Variants in DVL3 observed in about 807,000 individuals in gnomAD.
DVL3 encodes segment polarity protein dishevelled homolog DVL-3.
Under a neutral mutation model 67.4 loss-of-function variants are expected in DVL3, and 27 were observed. The observed-to-expected ratio is 0.40, with a 90% CI of 0.30 to 0.55. The LOEUF (loss-of-function observed/expected upper bound fraction) is 0.55, where lower values mean the gene tolerates loss of function less well. DVL3 is among the 20% of genes least tolerant of loss of function. DVL3 has a pLI of 0.46. For missense variants in DVL3, 819 were observed against 1,021.5 expected (o/e 0.80, Z 2.70); for synonymous variants, 369 against 396.8 (o/e 0.93, Z 0.83).
Position 184,166,146 on chromosome 3 carries a change from A to G in DVL3, c.784A>G (p.Ile262Val). ...TATAGAAAAATATAACTTCTTGGGC[A>G]TCTCCATTGTGGGCCAAAGCAACGA... ...LNMEKYNFLG[I>V]SIVGQSNERG... Residue 262 changes from isoleucine (I) to valine (V), a missense_variant, in exon 8 of 15, where the codon ATC (isoleucine) becomes GTC (valine). Transcript: ENST00000313143. The surrounding 1 kb of genome is among the most constrained non-coding windows in gnomAD (Gnocchi z 6.7). The G allele has an allele frequency of 6.2e-7, 1 of 1,613,698 alleles. No homozygotes were observed. The highest frequency in any genetic ancestry group is 8.5e-7 in the Non-Finnish European group (1 of 1,179,920).
rs1417452654 is a variant in DVL3 at position 184,155,918 on chromosome 3, C to A, written c.161+122C>A. The A allele has an allele frequency of 7.2e-6, 9 of 1,245,648 alleles. No homozygotes were observed. The highest frequency in any genetic ancestry group is 9.9e-6 in the Non-Finnish European group (9 of 910,694). The allele number at this position is 1,245,648 out of a possible 1,614,324, so 77.2% of individuals were successfully genotyped here. ...CTAGCCCCGCTCTGACTTCTAGGGG[C>A]GACTCGGCCCATTTGGGCCCCTTTG... On this transcript the variant is annotated intron_variant, in intron 1 of 14. Transcript: ENST00000313143. The surrounding 1 kb of genome is among the most constrained non-coding windows in gnomAD (Gnocchi z 5.4).
In DVL3 at chr3:184,165,059, C is replaced by A; in HGVS notation, c.600-54C>A. The A allele has an allele frequency of 6.2e-7, 1 of 1,611,062 alleles. No homozygotes were observed. Among genetic ancestry groups the A allele is most frequent in the South Asian group, 1.1e-5 (1 of 90,772 alleles). ...GGACCCAGGCCCTGCAGTGCCTCCC[C>A]TCATGGGGGCAGGGCTGGGCCAGCC... is the stretch of plus-strand genomic sequence containing the variant. On this transcript the variant is annotated intron_variant, in intron 5 of 14. Transcript: ENST00000313143. This position sits in a 1 kb window ranked among gnomAD's most constrained non-coding sequence, Gnocchi z 4.1.
At chr3:184,160,124 TG>T (rs1205272453) in intron 1 of DVL3, among the ~76,000 whole-genome samples, 140 of 149,596 alleles carry the variant, frequency 9.4e-4, no homozygotes, top group Non-Finnish European at 1.5e-3. Flanking sequence ...TTTTTTTTTT[TG>T]GTATTTTTAG....
Position 184,172,938 on chromosome 3 carries a change from C to T in DVL3, c.*2183C>T, listed in dbSNP as rs917932343. On this transcript the variant is annotated 3_prime_UTR_variant, in exon 15 of 15. Transcript: ENST00000313143. Reference sequence around the variant, plus strand: ...TCCGACTCTCTTGAGAATTTCTCAACGATTGCTCATGCCTGTCAGTATCAG... The same window carrying T: ...TCCGACTCTCTTGAGAATTTCTCAATGATTGCTCATGCCTGTCAGTATCAG... 5 of 152,240 alleles carry T rather than the reference C, an allele frequency of 3.3e-5. No individual in the cohort carries two copies. The highest frequency in any genetic ancestry group is 1.9e-4 in the East Asian group (1 of 5,200). The allele number at this position is 152,240 out of a possible 1,614,324, so 9.4% of individuals were successfully genotyped here. A position where few individuals can be genotyped will look rare whatever the true frequency, so the allele number is the denominator to read the frequency against.
Position 184,166,758 on chromosome 3 carries a change from C to G in DVL3, c.1049-68C>G. The G allele has an allele frequency of 6.2e-7, 1 of 1,613,322 alleles. No homozygotes were observed. The highest frequency in any genetic ancestry group is 8.5e-7 in the Non-Finnish European group (1 of 1,179,488). On this transcript the variant is annotated intron_variant, in intron 10 of 14. Transcript: ENST00000313143. This position sits in a 1 kb window ranked among gnomAD's most constrained non-coding sequence, Gnocchi z 6.7. ...CCTTTCTTCTCTCACCCAGAACCCCCATATCTATCCTGTTGGGCCCAGCAG... is the reference window on the plus strand; with the variant it reads ...CCTTTCTTCTCTCACCCAGAACCCCGATATCTATCCTGTTGGGCCCAGCAG...
Position 184,167,551 on chromosome 3 carries a change from T to A in DVL3, c.1199-29T>A. 6.2e-7 allele frequency: 1 copy of A among 1,608,620 alleles called. No homozygotes were observed. The highest frequency in any genetic ancestry group is 8.5e-7 in the Non-Finnish European group (1 of 1,178,240). On this transcript the variant is annotated intron_variant, in intron 11 of 14. Transcript: ENST00000313143. This position sits in a 1 kb window ranked among gnomAD's most constrained non-coding sequence, Gnocchi z 4.6. ...TTTACCTAACTCCAAAGCCCCTTTC[T>A]GCCTCACCATTCTGCCTCCCACCCC...
rs1348657723 is a variant in DVL3 at position 184,164,405 on chromosome 3, G to A, written c.353+17G>A. The A allele has an allele frequency of 5.6e-6, 9 of 1,611,942 alleles. No homozygotes were observed. Among genetic ancestry groups the A allele is most frequent in the Non-Finnish European group, 8.5e-7 (1 of 1,178,884 alleles). On this transcript the variant is annotated intron_variant, in intron 3 of 14. Coordinates refer to ENST00000313143, the MANE Select transcript of DVL3 (RefSeq NM_004423.4). The surrounding 1 kb of genome is among the most constrained non-coding windows in gnomAD (Gnocchi z 5.3). ...ATCCTTCCAGTGAGTGTGACCTGAG[G>A]GTGGGGAGGGCCGCATCAGTTCAGC...
chr3:184,158,438 C>G (rs577749331), intron 1 of DVL3, among the ~76,000 whole-genome samples: 1 of 152,216 alleles, frequency 6.6e-6, no homozygotes, highest in East Asian at 1.9e-4. Flanking sequence ...CATCAGGAAT[C>G]TGGATCCAAA....
rs1485559476 is a variant in DVL3, at chr3:184,166,315, T to G, written c.903+50T>G. 1.9e-6 allele frequency: 3 copies of G among 1,605,856 alleles called. No individual in the cohort carries two copies. The highest frequency in any genetic ancestry group is 2.6e-6 in the Non-Finnish European group (3 of 1,175,170). ...GGTGTGGATAGAGGGCAGGGAGGTG[T>G]CCTACCATCTGTACCCTGCTCCTTC... On this transcript the variant is annotated intron_variant, in intron 8 of 14. Coordinates refer to ENST00000313143, the MANE Select transcript of DVL3 (RefSeq NM_004423.4). The surrounding 1 kb of genome is among the most constrained non-coding windows in gnomAD (Gnocchi z 6.7).
intron 13 of DVL3, among the ~76,000 whole-genome samples, chr3:184,169,488 A>T (rs541445322): frequency 5.4e-4 from 82 of 152,198 alleles, no homozygotes; most frequent in Admixed American, 3.5e-3. Context: ...TGAGGTTAGG[A>T]GTTGGAGACC....
chr3:184,155,596 A>G lies in DVL3; in HGVS notation c.-40A>G. ...CTGGGAGGCTCGGCCCGGCCGCCCG[A>G]GCAGGCCGCGCGCGGGCCGCCGGGC... On this transcript the variant is annotated 5_prime_UTR_variant, in exon 1 of 15. Coordinates refer to ENST00000313143, the MANE Select transcript of DVL3 (RefSeq NM_004423.4). This position sits in a 1 kb window ranked among gnomAD's most constrained non-coding sequence, Gnocchi z 5.4. The G allele has an allele frequency of 3.4e-6, 4 of 1,175,570 alleles. No individual in the cohort carries two copies. The highest frequency in any genetic ancestry group is 4.2e-6 in the Non-Finnish European group (4 of 945,088). 72.8% of individuals were successfully genotyped at this position (1,175,570 alleles called of 1,614,324 possible). A position where few individuals can be genotyped will look rare whatever the true frequency, so the allele number is the denominator to read the frequency against.
Position 184,170,045 on chromosome 3 carries a change from G to C in DVL3, c.1538G>C (p.Ser513Thr). 6.2e-7 allele frequency: 1 copy of C among 1,613,158 alleles called. No homozygotes were observed. Among genetic ancestry groups the C allele is most frequent in the Non-Finnish European group, 8.5e-7 (1 of 1,179,454 alleles). The change falls in exon 14 of 15, where the codon AGT becomes ACT. Residue 513 changes from serine to threonine, a missense_variant. Around this residue, in one of 3 missense-constraint regions of DVL3, gnomAD observed 324 missense variants for 331.3 expected, o/e 0.98. Transcript: ENST00000313143. This position sits in a 1 kb window ranked among gnomAD's most constrained non-coding sequence, Gnocchi z 6.5. ...TCTCTCCACGATCACGATGGCTCCA[G>C]TGGCGCCTCTGACCAGGACACACTG... is the stretch of plus-strand genomic sequence containing the variant. ...NLSLHDHDGS[S>T]GASDQDTLAP...
rs1192787862 is a variant in DVL3, at chr3:184,164,360, A to T, written c.325A>T (p.Ile109Phe). 1.9e-6 allele frequency: 3 copies of T among 1,614,034 alleles called. No homozygotes were observed. The highest frequency in any genetic ancestry group is 8.5e-7 in the Non-Finnish European group (1 of 1,179,976). Residue 109 changes from isoleucine (I) to phenylalanine (F), a missense_variant, in exon 3 of 15, where the codon ATC becomes TTC. Ile to Phe is a conservative substitution (Grantham distance 21, BLOSUM62 0). Coordinates refer to ENST00000313143, the MANE Select transcript of DVL3 (RefSeq NM_004423.4). This position sits in a 1 kb window ranked among gnomAD's most constrained non-coding sequence, Gnocchi z 5.3. ...LPPPMERTGG[I>F]GDSRPPSFHP... ...ACCACCTATGGAGCGCACGGGAGGC[A>T]TCGGGGACTCCCGACCCCCATCCTT... is the stretch of plus-strand genomic sequence containing the variant.
intron 1 of DVL3, among the ~76,000 whole-genome samples, chr3:184,160,953 C>T (rs565062915): frequency 1.3e-5 from 2 of 152,218 alleles, no homozygotes; most frequent in South Asian, 4.1e-4. Flanking sequence ...CATGGTGGGC[C>T]GCAGTAGGAT....
rs1560122728 is a variant in DVL3 at position 184,172,660 on chromosome 3, G to T, written c.*1905G>T. ...GAGGCACAAGAATCGCTTGAATCCA[G>T]GAAGCAAGCGGAGGTTGCAGTGAGT... is the stretch of plus-strand genomic sequence containing the variant. On this transcript the variant is annotated 3_prime_UTR_variant, in exon 15 of 15. Transcript: ENST00000313143. The T allele has an allele frequency of 6.6e-6, 1 of 152,240 alleles. No homozygotes were observed. Among genetic ancestry groups the T allele is most frequent in the Non-Finnish European group, 1.5e-5 (1 of 68,056 alleles). 9.4% of individuals were successfully genotyped at this position (152,240 alleles called of 1,614,324 possible). A position where few individuals can be genotyped will look rare whatever the true frequency, so the allele number is the denominator to read the frequency against.
Position 184,164,760 on chromosome 3 carries a change from G to A in DVL3, c.464-36G>A, listed in dbSNP as rs149483051. The A allele has an allele frequency of 1.9e-6, 3 of 1,613,796 alleles. No homozygotes were observed. The highest frequency in any genetic ancestry group is 2.7e-5 in the African/African-American group (2 of 74,914). The stretch of plus-strand genomic sequence containing the variant: ...TCTCCCTCCTTCACCCCTGCACTGG[G>A]CACTGTGTAAACCCAACTGCTTCCA... On this transcript the variant is annotated intron_variant, in intron 4 of 14. Transcript: ENST00000313143. The surrounding 1 kb of genome is among the most constrained non-coding windows in gnomAD (Gnocchi z 5.3).
chr3:184,162,908 G>A (rs976844843), intron 1 of DVL3, among the ~76,000 whole-genome samples: 3 of 152,202 alleles, frequency 2.0e-5, no homozygotes, highest in African/African-American at 7.2e-5. Context: ...GGAATGTGGT[G>A]AGGCAAGAAG....
chr3:184,160,580 A>G (rs1418111503), intron 1 of DVL3, among the ~76,000 whole-genome samples: 1 of 152,072 alleles, frequency 6.6e-6, no homozygotes, highest in Non-Finnish European at 1.5e-5. Flanking sequence ...CCAGCCATTC[A>G]GCTCCATGGT....
At chr3:184,161,820 T>A (rs919631123) in intron 1 of DVL3, among the ~76,000 whole-genome samples, 2 of 152,120 alleles carry the variant, frequency 1.3e-5, no homozygotes, top group African/African-American at 4.8e-5. Context: ...AAGCCTGGGG[T>A]GAAATTCCAG....
Sources: allele counts gnomAD v4.1 joint callset (sites outside exome capture counted in the v4.1 genomes callset), GRCh38; gene constraint gnomAD v4.1.1; regional missense constraint gnomAD v4.1.1; non-coding constraint Gnocchi (gnomAD v3.1); transcripts MANE v1.5; gene names NCBI Gene and HGNC (gene_info 2026-07-23, HGNC 2026-07-21).